Variants in SDK2 observed in about 807,000 individuals in gnomAD.
SDK2 encodes the protein sidekick cell adhesion molecule 2.
Under a neutral mutation model 253.9 loss-of-function variants are expected in SDK2, and 105 were observed. The ratio of observed to expected loss-of-function variants is 0.41; its 90% CI spans 0.35 to 0.49. The LOEUF (loss-of-function observed/expected upper bound fraction) is 0.49, where lower values mean the gene tolerates loss of function less well. Among genes scored for constraint, SDK2 ranks in the 20% least tolerant of loss-of-function variants. The pLI is 0.06. For missense variants in SDK2, 2,608 were observed against 3,003.0 expected, an observed-to-expected ratio of 0.87 and a Z score of 3.07; for synonymous variants, 1,249 against 1,234.9, an observed-to-expected ratio of 1.01 and a Z score of -0.24.
intron 2 of SDK2, among the ~76,000 whole-genome samples, chr17:73,503,585 AAG>A (rs1266095895): frequency 6.6e-6 from 1 of 152,210 alleles, no homozygotes; most frequent in African/African-American, 2.4e-5. Context: ...TCAAAATTAA[AAG>A]AGAGAAGAAA....
In SDK2 at chr17:73,430,560, G is replaced by C; in HGVS notation, c.1534C>G (p.Gln512Glu). 6.2e-7 allele frequency: 1 copy of C among 1,602,576 alleles called. No individual in the cohort carries two copies. The highest frequency in any genetic ancestry group is 1.7e-4 in the Middle Eastern group (1 of 5,998). The change falls in exon 12 of 45, where the codon CAG becomes GAG. Residue 512 changes from glutamine to glutamate, a missense_variant. Physicochemically the swap from Gln to Glu is conservative, Grantham distance 29. This residue lies in a region of SDK2 where 1,505 missense variants were observed against 1,859.1 expected (regional missense o/e 0.81). Coordinates refer to ENST00000392650, the MANE Select transcript of SDK2 (RefSeq NM_001144952.2). The part of the protein sequence containing the change: ...PQDQSVIKGT[Q>E]ASMVCGVTHD... ...GTCACTCCGCACACCATGGAGGCCTGGGTGCCCTTGATGACACTCTGATCC... is the reference window on the plus strand; with the variant it reads ...GTCACTCCGCACACCATGGAGGCCTCGGTGCCCTTGATGACACTCTGATCC...
chr17:73,469,998 A>G (rs576791339), intron 3 of SDK2, among the ~76,000 whole-genome samples: 3,095 of 133,294 alleles, frequency 0.023, 92 homozygotes, highest in African/African-American at 0.067. Context: ...GCGCGCACAC[A>G]CACACACACA....
chr17:73,483,639 A>ATG (rs1188169326), intron 2 of SDK2, among the ~76,000 whole-genome samples: 4 of 48,230 alleles, frequency 8.3e-5, no homozygotes, highest in Admixed American at 2.8e-4. Context: ...ATGTATATAT[A>ATG]TATGTGTGTG....
In SDK2 at chr17:73,401,964, C is replaced by T; in HGVS notation, c.2662G>A (p.Val888Met). 1 of 1,610,918 alleles carries T rather than the reference C, an allele frequency of 6.2e-7. No individual in the cohort carries two copies. Among genetic ancestry groups the T allele is most frequent in the South Asian group, 1.1e-5 (1 of 90,564 alleles). ...GDGPRSTPQL[V>M]RTHEDVPGPV... is the part of the protein sequence containing the mutation. ...TGCCTACCATCCTCATGGGTGCGCA[C>T]CAGCTGCGGGGTGCTGCGTGGCCCG... Residue 888 changes from valine to methionine, a missense_variant, in exon 19 of 45, where the codon GTG becomes ATG. Around this residue, in one of 2 missense-constraint regions of SDK2, gnomAD observed 1,505 missense variants for 1,859.1 expected, o/e 0.81. Coordinates refer to ENST00000392650, the MANE Select transcript of SDK2 (RefSeq NM_001144952.2).
In SDK2 at chr17:73,361,903, C is replaced by T; in HGVS notation, c.5306-58G>A. 2 of 1,506,438 alleles carry T rather than the reference C, an allele frequency of 1.3e-6. No individual in the cohort carries two copies. The highest frequency in any genetic ancestry group is 9.0e-7 in the Non-Finnish European group (1 of 1,114,768). 93.3% of individuals were successfully genotyped at this position (1,506,438 alleles called of 1,614,324 possible). ...CAGGGCCCACCGAGGGCACTGGAGGCCATGGGGAAGGGGAAGCGGCCGTGG... is the reference window on the plus strand; with the variant it reads ...CAGGGCCCACCGAGGGCACTGGAGGTCATGGGGAAGGGGAAGCGGCCGTGG... On this transcript the variant is annotated intron_variant, in intron 38 of 44. Transcript: ENST00000392650. This position sits in a 1 kb window ranked among gnomAD's most constrained non-coding sequence, Gnocchi z 4.1.
chr17:73,417,865 G>T (rs1029249695), intron 16 of SDK2, among the ~76,000 whole-genome samples: 1 of 152,002 alleles, frequency 6.6e-6, no homozygotes, highest in African/African-American at 2.4e-5. Flanking sequence ...ACAAAGGATG[G>T]GTCATTCATT....
chr17:73,394,178 G>A (rs756027890), intron 26 of SDK2, 31 bp downstream of exon 26: 3 of 1,406,166 alleles, frequency 2.1e-6, no homozygotes, highest in South Asian at 3.0e-5. Flanking sequence ...GCCAGTGTAG[G>A]GACCCCACCT....
rs548119156 is a variant in SDK2, at chr17:73,453,103, A to G, written c.479+2803T>C. 3.9e-5 allele frequency among the ~76,000 whole-genome samples: 6 copies of G among 152,286 alleles called. No individual in the cohort carries two copies. The South Asian group carries it at 1.2e-3, about 32-fold the overall frequency. Reference sequence around the variant, plus strand: ...ACTTTGCAGGTCCTGCTGCTCAAGGAACAGAGTCTATTTTCCTACATCTTG... The same window carrying G: ...ACTTTGCAGGTCCTGCTGCTCAAGGGACAGAGTCTATTTTCCTACATCTTG... On this transcript the variant is annotated intron_variant, in intron 4 of 44. Coordinates refer to ENST00000392650, the MANE Select transcript of SDK2 (RefSeq NM_001144952.2).
At chr17:73,544,585 G>GATGGACAGAATGGATAC (rs1471058619) in intron 1 of SDK2, among the ~76,000 whole-genome samples, 1 of 152,186 alleles carries the variant, frequency 6.6e-6, no homozygotes. Context: ...TGTGTGTATG[G>GATGGACAGAATGGATAC]ATGGACAGAA....
At chr17:73,582,844 G>C (rs150473472) in intron 1 of SDK2, among the ~76,000 whole-genome samples, 1 of 152,340 alleles carries the variant, frequency 6.6e-6, no homozygotes, top group Non-Finnish European at 1.5e-5. Context: ...TCTGTGTGCA[G>C]AAGCGTGGTG....
intron 1 of SDK2, among the ~76,000 whole-genome samples, chr17:73,547,771 A>G (rs189630405): frequency 6.4e-4 from 98 of 152,304 alleles, no homozygotes; most frequent in African/African-American, 2.3e-3. Flanking sequence ...ATTTGATCAG[A>G]TCTGCTGAAG....
In SDK2 at chr17:73,350,416, C is replaced by T. The variant is rs770153144; in HGVS notation, c.5900-41G>A. ...GATTGACACCCTTTAGACTGTGTGG[C>T]CTCCCCTCTCCCATACCACTCTCCA... On this transcript the variant is annotated intron_variant, in intron 42 of 44. Coordinates refer to ENST00000392650, the MANE Select transcript of SDK2 (RefSeq NM_001144952.2). 2.5e-6 allele frequency: 4 copies of T among 1,588,722 alleles called. No homozygotes were observed. The African/African-American group carries it at 5.4e-5, about 21-fold the overall frequency.
chr17:73,572,002 C>T (rs1192485436), intron 1 of SDK2, among the ~76,000 whole-genome samples: 3 of 152,314 alleles, frequency 2.0e-5, no homozygotes, highest in African/African-American at 2.4e-5. Context: ...CCGGGCCAGG[C>T]GGGTGCCCAC....
intron 1 of SDK2, among the ~76,000 whole-genome samples, chr17:73,558,950 C>T (rs1235160178): frequency 6.6e-6 from 1 of 152,188 alleles, no homozygotes; most frequent in Non-Finnish European, 1.5e-5. Context: ...CTGTCTGCAG[C>T]CTGGCTCCCA....
At chr17:73,341,710 A>G (rs1420582513) in intron 44 of SDK2, among the ~76,000 whole-genome samples, 1 of 152,212 alleles carries the variant, frequency 6.6e-6, no homozygotes, top group Non-Finnish European at 1.5e-5. Flanking sequence ...AATGAGATGC[A>G]CGGCTTGTTC....
chr17:73,538,848 G>A (rs1048214347), intron 1 of SDK2, among the ~76,000 whole-genome samples: 3 of 152,174 alleles, frequency 2.0e-5, no homozygotes, highest in Non-Finnish European at 2.9e-5. Flanking sequence ...ATGGGGCACC[G>A]ACCAGTTAGA....
At chr17:73,488,034 G>A (rs1197215142) in intron 2 of SDK2, among the ~76,000 whole-genome samples, 1 of 144,434 alleles carries the variant, frequency 6.9e-6, no homozygotes, top group African/African-American at 2.5e-5. Context: ...CTTTTTTTTT[G>A]AGACGGAGCC....
Position 73,443,797 on chromosome 17 carries a change from A to AG in SDK2, c.614-2875dup, listed in dbSNP as rs1491145532. On this transcript the variant is annotated intron_variant, in intron 5 of 44. Transcript: ENST00000392650. This position sits in a 1 kb window ranked among gnomAD's most constrained non-coding sequence, Gnocchi z 4.6. ...CATCCTACTGAGTTTCAGTCTTCTC[A>AG]GGGGGGAAATGGGGATGAAAGTCAC... is the stretch of plus-strand genomic sequence containing the variant. 6.6e-6 allele frequency among the ~76,000 whole-genome samples: 1 copy of AG among 152,090 alleles called. No individual in the cohort carries two copies. Among genetic ancestry groups the AG allele is most frequent in the African/African-American group, 2.4e-5 (1 of 41,418 alleles).
intron 1 of SDK2, among the ~76,000 whole-genome samples, chr17:73,582,909 T>C (rs1365091050): frequency 6.6e-6 from 1 of 152,158 alleles, no homozygotes; most frequent in Non-Finnish European, 1.5e-5. Flanking sequence ...GTGAGCTCTT[T>C]GGGGCTGAGA....
Sources: gnomAD v4.1 joint callset for allele counts (sites outside exome capture counted in the v4.1 genomes callset) on GRCh38, gnomAD v4.1.1 for gene constraint, gnomAD v4.1.1 regional missense constraint, Gnocchi (gnomAD v3.1) non-coding constraint, MANE v1.5 for transcripts, NCBI Gene and HGNC (gene_info 2026-07-23, HGNC 2026-07-21) for gene names.